GRIA1: variants seen among roughly 807,000 people sequenced by gnomAD.
GRIA1 encodes the protein glutamate ionotropic receptor AMPA type subunit 1.
In GRIA1, 31 loss-of-function variants were observed where a neutral mutation model predicts 99.2. The ratio of observed to expected loss-of-function variants is 0.31; its 90% CI spans 0.23 to 0.42. GRIA1 has a LOEUF of 0.42. Ranked by LOEUF, GRIA1 falls within the 10% of genes least tolerant of loss-of-function variation. GRIA1 has a pLI of 1.00. For missense variants in GRIA1, 782 were observed against 1,157.5 expected, an observed-to-expected ratio of 0.68 and a Z score of 4.71; for synonymous variants, 438 against 432.4, an observed-to-expected ratio of 1.01 and a Z score of -0.16.
rs146005342 is a variant in GRIA1 at position 153,749,515 on chromosome 5, A to T, written c.1824-14919A>T. Among the ~76,000 whole-genome samples the T allele has an allele frequency of 2.1e-3, 327 of 152,306 alleles. 3 individuals are homozygous for T. The highest frequency in any genetic ancestry group is 3.8e-3 in the Non-Finnish European group (258 of 68,028). ...GGGGGAGCTGGCATGTGCAGATCAC[A>T]TGGAGAGAGAGGGAGAAAGAGAGAG... On this transcript the variant is annotated intron_variant, in intron 11 of 15. Transcript: ENST00000285900.
chr5:153,583,219 C>T (rs2149377620), intron 2 of GRIA1, among the ~76,000 whole-genome samples: 1 of 152,254 alleles, frequency 6.6e-6, no homozygotes, highest in Middle Eastern at 3.4e-3. Context: ...AAGTGTGAGC[C>T]TCTGCACCCG....
chr5:153,640,382 A>G (rs1416640423), intron 2 of GRIA1, among the ~76,000 whole-genome samples: 2 of 152,256 alleles, frequency 1.3e-5, no homozygotes, highest in Non-Finnish European at 2.9e-5. Flanking sequence ...TGCTACATTG[A>G]CACATGACAC....
intron 2 of GRIA1, among the ~76,000 whole-genome samples, chr5:153,615,445 C>T (rs139696650): frequency 7.9e-4 from 121 of 152,224 alleles, no homozygotes; most frequent in African/African-American, 2.8e-3. Context: ...AGTATGAGAC[C>T]ATACTAGTCA....
chr5:153,524,932 A>C (rs756524175), intron 2 of GRIA1, among the ~76,000 whole-genome samples: 9 of 152,192 alleles, frequency 5.9e-5, no homozygotes, highest in Non-Finnish European at 1.3e-4. Context: ...TCCAGTGGAA[A>C]TATTTGCTAT....
At chr5:153,523,174 G>A (rs1222726422) in intron 2 of GRIA1, among the ~76,000 whole-genome samples, 3 of 152,096 alleles carry the variant, frequency 2.0e-5, no homozygotes, top group Admixed American at 6.5e-5. Flanking sequence ...AGGGCAATCC[G>A]TAATTCACTT....
At chr5:153,755,898 T>C (rs1762797874) in intron 11 of GRIA1, among the ~76,000 whole-genome samples, 1 of 152,236 alleles carries the variant, frequency 6.6e-6, no homozygotes, top group African/African-American at 2.4e-5. Context: ...TTGAGCATGC[T>C]CTTAGGTTCA....
intron 13 of GRIA1, among the ~76,000 whole-genome samples, chr5:153,785,743 C>T (rs1337743113): frequency 6.6e-6 from 1 of 152,170 alleles, no homozygotes; most frequent in Non-Finnish European, 1.5e-5. Flanking sequence ...TTTTATCTAG[C>T]TCGTGAATTT....
intron 11 of GRIA1, among the ~76,000 whole-genome samples, chr5:153,717,268 A>C (rs553295999): frequency 6.6e-6 from 1 of 152,346 alleles, no homozygotes; most frequent in Non-Finnish European, 1.5e-5. Flanking sequence ...GTGTGGGCTA[A>C]GGTGAACAGA....
rs141711838 is a variant in GRIA1, at chr5:153,642,480, A to G, written c.221-4448A>G. 2.9e-3 allele frequency among the ~76,000 whole-genome samples: 444 copies of G among 152,168 alleles called. 9 individuals are homozygous for G. The highest frequency in any genetic ancestry group is 0.027 in the East Asian group (141 of 5,162). On this transcript the variant is annotated intron_variant, in intron 2 of 15. Coordinates refer to ENST00000285900, the MANE Select transcript of GRIA1 (RefSeq NM_000827.4). ...AGTGGCTCACACCTGTAATCCCAGC[A>G]CTTTAAGAGGCTGAGGTGGGAGGAT...
At chr5:153,789,384 G>A (rs1174838907) in intron 13 of GRIA1, among the ~76,000 whole-genome samples, 1 of 150,352 alleles carries the variant, frequency 6.7e-6, no homozygotes, top group African/African-American at 2.4e-5. Context: ...GTATATATAT[G>A]ATAATTTGTA....
chr5:153,599,712 T>G (rs899124648), intron 2 of GRIA1, among the ~76,000 whole-genome samples: 1 of 152,050 alleles, frequency 6.6e-6, no homozygotes, highest in African/African-American at 2.4e-5. Flanking sequence ...CTCAAATTAT[T>G]TGAGAGTGGT....
intron 2 of GRIA1, among the ~76,000 whole-genome samples, chr5:153,520,052 A>T (rs1756998424): frequency 6.6e-6 from 1 of 152,084 alleles, no homozygotes; most frequent in Non-Finnish European, 1.5e-5. Context: ...AACAATAGCT[A>T]ATGTGTGTTA....
In GRIA1 at chr5:153,686,206, A is replaced by T. The variant is rs1218946349; in HGVS notation, c.1030-19A>T. On this transcript the variant is annotated intron_variant, in intron 7 of 15. Coordinates refer to ENST00000285900, the MANE Select transcript of GRIA1 (RefSeq NM_000827.4). ...AGTACATCTGAGTTCACTGCCCACC[A>T]CTTGGTTTTGTTTTCCAGGTGCGAT... 1 of 1,583,388 alleles carries T rather than the reference A, an allele frequency of 6.3e-7. No individual in the cohort carries two copies. Among genetic ancestry groups the T allele is most frequent in the Non-Finnish European group, 8.7e-7 (1 of 1,152,112 alleles).
At chr5:153,532,313 G>A (rs1239885402) in intron 2 of GRIA1, among the ~76,000 whole-genome samples, 1 of 152,084 alleles carries the variant, frequency 6.6e-6, no homozygotes, top group Admixed American at 6.5e-5. Context: ...TCAAGAGTAG[G>A]TGCTGTTGCC....
intron 2 of GRIA1, among the ~76,000 whole-genome samples, chr5:153,496,350 G>A (rs561703075): frequency 2.6e-4 from 39 of 152,236 alleles, no homozygotes; most frequent in South Asian, 4.2e-4. Flanking sequence ...TGTCTTGTTC[G>A]TTCAGTTAAT....
At chr5:153,664,475 G>T (rs1025307039) in intron 5 of GRIA1, among the ~76,000 whole-genome samples, 4 of 151,624 alleles carry the variant, frequency 2.6e-5, no homozygotes, top group African/African-American at 7.3e-5. Flanking sequence ...CATATTTTCT[G>T]CTTGGTGTTC....
At chr5:153,624,750 G>A (rs1183219275) in intron 2 of GRIA1, among the ~76,000 whole-genome samples, 1 of 152,176 alleles carries the variant, frequency 6.6e-6, no homozygotes, top group African/African-American at 2.4e-5. Context: ...ATCCCTACCA[G>A]ATTAGATAAT....
At chr5:153,590,448 A>T (rs1763864858) in intron 2 of GRIA1, among the ~76,000 whole-genome samples, 1 of 152,054 alleles carries the variant, frequency 6.6e-6, no homozygotes, top group Admixed American at 6.6e-5. Flanking sequence ...AGACCGCCAG[A>T]GTCCTGTGAG....
intron 11 of GRIA1, among the ~76,000 whole-genome samples, chr5:153,747,722 C>T (rs2149585261): frequency 6.6e-6 from 1 of 152,344 alleles, no homozygotes; most frequent in South Asian, 2.1e-4. Context: ...GCCTGCCCTG[C>T]AGAGCCCAGT....
Sources: gnomAD v4.1 joint callset for allele counts (sites outside exome capture counted in the v4.1 genomes callset) on GRCh38, gnomAD v4.1.1 for gene constraint, MANE v1.5 for transcripts, NCBI Gene and HGNC (gene_info 2026-07-23, HGNC 2026-07-21) for gene names.